LYRM4: variants seen among roughly 807,000 people sequenced by gnomAD.
LYRM4 encodes the protein LYR motif containing 4, also known as LYR motif-containing protein 4.
LYRM4 carries 9 observed loss-of-function variants against 11.7 expected under a neutral mutation model. The ratio of observed to expected loss-of-function variants is 0.77; its 90% CI spans 0.46 to 1.34. The LOEUF (loss-of-function observed/expected upper bound fraction) is 1.34, where lower values mean the gene tolerates loss of function less well. Among genes scored for constraint, LYRM4 ranks in the 40% most tolerant of loss-of-function variants. The pLI is 0.00. For missense variants in LYRM4, 133 were observed against 112.5 expected, an observed-to-expected ratio of 1.18 and a Z score of -0.82; for synonymous variants, 42 against 40.4, an observed-to-expected ratio of 1.04 and a Z score of -0.15.
intron 2 of LYRM4, among the ~76,000 whole-genome samples, chr6:5,214,642 C>T (rs527879104): frequency 3.0e-4 from 45 of 152,324 alleles, no homozygotes; most frequent in Non-Finnish European, 6.3e-4. Context: ...GAACAGTGTG[C>T]AAGAATACAG....
chr6:5,100,195 G>T (rs1300157449), downstream of LYRM4, among the ~76,000 whole-genome samples: 3 of 152,172 alleles, frequency 2.0e-5, no homozygotes, highest in Admixed American at 6.5e-5. Flanking sequence ...CAAACTGCAA[G>T]TTACAGAAAC....
chr6:5,203,744 C>T (rs577237670), intron 2 of LYRM4, among the ~76,000 whole-genome samples: 10 of 152,262 alleles, frequency 6.6e-5, no homozygotes, highest in South Asian at 2.1e-4. Context: ...AACAGCATGC[C>T]GAGAGCCTGC....
At position 5,109,508 on chromosome 6, in the gene LYRM4, G is replaced by A. The variant is rs1175676689; in HGVS notation, c.208-17C>T. 1 of 1,612,184 alleles carries A rather than the reference G, an allele frequency of 6.2e-7. No individual in the cohort carries two copies. The highest frequency in any genetic ancestry group is 1.3e-5 in the African/African-American group (1 of 74,902). On this transcript the variant is annotated splice_polypyrimidine_tract_variant and intron_variant, in intron 2 of 2. Transcript: ENST00000330636. Reference sequence around the variant, plus strand: ...AATGTGGACCTGAAGGCAAAGAAAGGACACAGGTCAGGAACCGTGGCCCTC... The same window carrying A: ...AATGTGGACCTGAAGGCAAAGAAAGAACACAGGTCAGGAACCGTGGCCCTC...
intron 2 of LYRM4, among the ~76,000 whole-genome samples, chr6:5,133,576 G>A (rs1219070757): frequency 6.6e-6 from 1 of 152,150 alleles, no homozygotes; most frequent in African/African-American, 2.4e-5. Context: ...TTGGTCTGGG[G>A]TGTTTTTATA....
rs1762289579 is a variant in LYRM4 at position 5,216,664 on chromosome 6, G to T, written c.161C>A (p.Thr54Asn). 6.2e-7 allele frequency: 1 copy of T among 1,613,934 alleles called. No individual in the cohort carries two copies. Among genetic ancestry groups the T allele is most frequent in the South Asian group, 1.1e-5 (1 of 91,066 alleles). ...KNVKDPVEIQ[T>N]LVNKAKRDLG... Reference sequence around the variant, plus strand: ...GTCTCTCTTGGCTTTATTCACTAGGGTTTGAATTTCTACAGGATCCTTTAC... The same window carrying T: ...GTCTCTCTTGGCTTTATTCACTAGGTTTTGAATTTCTACAGGATCCTTTAC... The change falls in exon 2 of 3, where the codon ACC (threonine) becomes AAC (asparagine). Residue 54 changes from threonine to asparagine, a missense_variant. By Grantham distance (65) the Thr-to-Asn change is moderately conservative. Transcript: ENST00000330636.
chr6:5,254,266 C>T (rs1000176996), intron 1 of LYRM4, among the ~76,000 whole-genome samples: 4 of 152,196 alleles, frequency 2.6e-5, no homozygotes, highest in African/African-American at 7.2e-5. Flanking sequence ...TCTGACTTCT[C>T]GCTAACCAAC....
intron 2 of LYRM4, among the ~76,000 whole-genome samples, chr6:5,214,591 G>A (rs978219555): frequency 4.6e-5 from 7 of 152,170 alleles, no homozygotes; most frequent in East Asian, 1.9e-4. Flanking sequence ...AGGGGCACCC[G>A]GAGGACAGGT....
the LYRM4 span, among the ~76,000 whole-genome samples, chr6:5,082,507 C>A: frequency 6.6e-6 from 1 of 152,254 alleles, no homozygotes; most frequent in South Asian, 2.1e-4. Context: ...CACCTACCCC[C>A]ACTTGGGGCC....
the LYRM4 span, among the ~76,000 whole-genome samples, chr6:5,058,479 G>C: frequency 1.3e-5 from 2 of 152,176 alleles, no homozygotes; most frequent in African/African-American, 4.8e-5. Flanking sequence ...GTTGACCTGG[G>C]GGAGCTTCTG....
At chr6:5,114,332 T>A (rs1763025772) in intron 2 of LYRM4, among the ~76,000 whole-genome samples, 1 of 152,198 alleles carries the variant, frequency 6.6e-6, no homozygotes, top group Non-Finnish European at 1.5e-5. Context: ...ATTGCCAGCT[T>A]TCTTTTATGT....
At chr6:5,077,713 T>C in the LYRM4 span, among the ~76,000 whole-genome samples, 1 of 152,222 alleles carries the variant, frequency 6.6e-6, no homozygotes, top group African/African-American at 2.4e-5. Context: ...TTGGTCCCTT[T>C]AGAATTTAAA....
intron 2 of LYRM4, among the ~76,000 whole-genome samples, chr6:5,134,125 T>C (rs148476907): frequency 1.3e-5 from 2 of 152,322 alleles, no homozygotes; most frequent in East Asian, 3.9e-4. Context: ...AATTGCTGGG[T>C]CATATGGTAA....
chr6:5,247,827 TAATC>T (rs1055230864), intron 1 of LYRM4, among the ~76,000 whole-genome samples: 2 of 152,200 alleles, frequency 1.3e-5, no homozygotes, highest in Non-Finnish European at 2.9e-5. Flanking sequence ...AGAGCAGACA[TAATC>T]AACTAATTGA....
At chr6:5,150,748 C>A (rs1163488539) in intron 2 of LYRM4, among the ~76,000 whole-genome samples, 1 of 152,194 alleles carries the variant, frequency 6.6e-6, no homozygotes, top group Non-Finnish European at 1.5e-5. Context: ...CAGGCTCTGA[C>A]TACTATCTTG....
intron 2 of LYRM4, among the ~76,000 whole-genome samples, chr6:5,189,133 T>A (rs999450226): frequency 2.6e-5 from 4 of 152,374 alleles, no homozygotes; most frequent in Admixed American, 2.6e-4. Context: ...CTGTATTACA[T>A]ACAATTGTTA....
At chr6:5,207,727 T>C (rs908630127) in intron 2 of LYRM4, among the ~76,000 whole-genome samples, 1 of 152,016 alleles carries the variant, frequency 6.6e-6, no homozygotes, top group Admixed American at 6.6e-5. Context: ...ATTTTCGGAG[T>C]GTAGTTTTCG....
chr6:5,162,327 A>G (rs1035181702), intron 2 of LYRM4, among the ~76,000 whole-genome samples: 1 of 152,096 alleles, frequency 6.6e-6, no homozygotes, highest in African/African-American at 2.4e-5. Context: ...AAATCCCACT[A>G]AGTCTCCAGG....
chr6:5,173,094 T>G (rs984409008), intron 2 of LYRM4, among the ~76,000 whole-genome samples: 6 of 152,240 alleles, frequency 3.9e-5, no homozygotes, highest in Non-Finnish European at 8.8e-5. Context: ...CAAGTGAATC[T>G]GATCCATTAA....
downstream of LYRM4, among the ~76,000 whole-genome samples, chr6:5,100,199 C>T (rs1307770745): frequency 6.6e-6 from 1 of 152,182 alleles, no homozygotes; most frequent in East Asian, 1.9e-4. Flanking sequence ...CTGCAAGTTA[C>T]AGAAACTGAT....
Sources: allele counts gnomAD v4.1 joint callset (sites outside exome capture counted in the v4.1 genomes callset), GRCh38; gene constraint gnomAD v4.1.1; transcripts MANE v1.5; gene names NCBI Gene and HGNC (gene_info 2026-07-23, HGNC 2026-07-21).